The following CCDC186 variants were observed in gnomAD, a reference collection of about 807,000 sequenced individuals.
The protein encoded by CCDC186 is coiled-coil domain-containing protein 186.
In CCDC186, 49 loss-of-function variants were observed where a neutral mutation model predicts 113.7. The ratio of observed to expected loss-of-function variants is 0.43; its 90% CI spans 0.34 to 0.55. The LOEUF is 0.55. Ranked by LOEUF, CCDC186 falls within the 20% of genes least tolerant of loss-of-function variation. The probability of loss-of-function intolerance (pLI) is 0.02; values close to 1 mark genes in which losing one functional copy is unlikely to be tolerated. For synonymous variants in CCDC186, 355 were observed against 345.8 expected, an observed-to-expected ratio of 1.03 and a Z score of -0.30; for missense variants, 890 against 1,011.1, an observed-to-expected ratio of 0.88 and a Z score of 1.62.
chr10:114,138,054 AAAAAAAAAAAAAAAAAAAAT>A (rs1490766863), intron 6 of CCDC186, among the ~76,000 whole-genome samples: 18 of 97,346 alleles, frequency 1.8e-4, no homozygotes, highest in African/African-American at 5.3e-4. Flanking sequence ...AAAAAAAAAA[AAAAAAAAAAAAAAAAAAAAT>A]AAAAAAAATA....
intron 6 of CCDC186, among the ~76,000 whole-genome samples, chr10:114,143,556 T>C (rs2031543729): frequency 6.6e-6 from 1 of 152,208 alleles, no homozygotes; most frequent in African/African-American, 2.4e-5. Context: ...CCCTCACACA[T>C]GTGCTGATTA....
chr10:114,136,307 G>T (rs2031259986), intron 7 of CCDC186, 61 bp from the exon 8 acceptor site: 4 of 1,161,724 alleles, frequency 3.4e-6, no homozygotes, highest in South Asian at 1.2e-5. Flanking sequence ...TTTGCCCTGA[G>T]AATACTCGTC....
At chr10:114,172,494 G>A (rs1589638305) in intron 1 of CCDC186, among the ~76,000 whole-genome samples, 1 of 152,144 alleles carries the variant, frequency 6.6e-6, no homozygotes, top group African/African-American at 2.4e-5. Flanking sequence ...AACCCTTTCC[G>A]TTAGCAATAA....
In CCDC186 at chr10:114,127,579, C is replaced by T; in HGVS notation, c.2275G>A (p.Ala759Thr). Reference protein sequence around the residue: ...AVDNFPQVDKAMLIERIVRLQ... With the variant: ...AVDNFPQVDKTMLIERIVRLQ... ...CTAACTATTCTCTCAATCAACATGG[C>T]CTTATCTACTTGTGGAAAGTTATCC... is the stretch of plus-strand genomic sequence containing the variant. The change falls in exon 14 of 16, where the codon GCC (alanine) becomes ACC (threonine). Residue 759 changes from alanine (A) to threonine (T), a missense_variant. By Grantham distance (58) the Ala-to-Thr change is moderately conservative (BLOSUM62 0). Transcript: ENST00000369287. The T allele has an allele frequency of 6.2e-7, 1 of 1,614,020 alleles. No individual in the cohort carries two copies. The highest frequency in any genetic ancestry group is 8.5e-7 in the Non-Finnish European group (1 of 1,179,996).
chr10:114,145,829 TGGTA>T, intron 4 of CCDC186, 68 bp from the exon 5 acceptor site: 1 of 1,403,812 alleles, frequency 7.1e-7, no homozygotes, highest in Non-Finnish European at 9.6e-7. Flanking sequence ...TTGAAATACA[TGGTA>T]TTTGTCTCTT....
chr10:114,155,074 G>A (rs902685422), intron 3 of CCDC186, among the ~76,000 whole-genome samples: 1 of 152,182 alleles, frequency 6.6e-6, no homozygotes, highest in African/African-American at 2.4e-5. Context: ...CTAGGGCAGG[G>A]TTGAGGGAGT....
intron 15 of CCDC186, among the ~76,000 whole-genome samples, chr10:114,125,496 AAACT>A (rs1327765088): frequency 1.6e-4 from 25 of 152,288 alleles, no homozygotes; most frequent in African/African-American, 5.8e-4. Flanking sequence ...AATTATTTTT[AAACT>A]AACTACTAAT....
At position 114,122,641 on chromosome 10, in the gene CCDC186, T is replaced by A. The variant is rs1165639698; in HGVS notation, c.*2502A>T. ...TCATTTTCCTTTTCCAGATACCCCA[T>A]TCTCCTCACCATATATTCAGAGGGC... On this transcript the variant is annotated 3_prime_UTR_variant, in exon 16 of 16. Coordinates refer to ENST00000369287, the MANE Select transcript of CCDC186 (RefSeq NM_018017.4). 6.6e-6 allele frequency: 1 copy of A among 152,134 alleles called. No homozygotes were observed. Among genetic ancestry groups the A allele is most frequent in the Non-Finnish European group, 1.5e-5 (1 of 68,016 alleles). 9.4% of individuals were successfully genotyped at this position (152,134 alleles called of 1,614,324 possible).
chr10:114,135,989 T>A lies in CCDC186; in HGVS notation c.1426-12A>T, dbSNP rs765174201. ...TTGGCATGATGCATCTTTAAAAAAGTTTAAAAGAAACAACAAATCATAATG... is the reference window on the plus strand; with the variant it reads ...TTGGCATGATGCATCTTTAAAAAAGATTAAAAGAAACAACAAATCATAATG... On this transcript the variant is annotated splice_polypyrimidine_tract_variant and intron_variant, in intron 8 of 15. Transcript: ENST00000369287. 6.2e-7 allele frequency: 1 copy of A among 1,603,002 alleles called. No individual in the cohort carries two copies. The highest frequency in any genetic ancestry group is 8.5e-7 in the Non-Finnish European group (1 of 1,171,032).
intron 10 of CCDC186, among the ~76,000 whole-genome samples, 154 bp from the exon 11 acceptor site, chr10:114,132,338 G>A (rs1281277132): frequency 6.6e-6 from 1 of 152,150 alleles, no homozygotes; most frequent in South Asian, 2.1e-4. Context: ...CAGGAAATAA[G>A]AGCTGGAAAG....
chr10:114,129,718 C>T (rs111345553), intron 13 of CCDC186, among the ~76,000 whole-genome samples, 173 bp downstream of exon 13: 54 of 151,970 alleles, frequency 3.6e-4, no homozygotes, highest in African/African-American at 1.2e-3. Flanking sequence ...TTAGTAGAGA[C>T]GGGGTTTCTC....
intron 1 of CCDC186, among the ~76,000 whole-genome samples, chr10:114,172,387 A>T (rs1268119449): frequency 6.6e-6 from 1 of 152,244 alleles, no homozygotes; most frequent in Non-Finnish European, 1.5e-5. Flanking sequence ...CTAAGCAATC[A>T]TTAGCTATGC....
chr10:114,128,762 C>T (rs565644897), intron 13 of CCDC186, among the ~76,000 whole-genome samples: 5 of 152,268 alleles, frequency 3.3e-5, no homozygotes, highest in African/African-American at 1.2e-4. Flanking sequence ...ATTTTATAGA[C>T]TCTACCCATT....
chr10:114,144,152 G>A (rs1007844708), intron 6 of CCDC186, among the ~76,000 whole-genome samples: 1 of 151,674 alleles, frequency 6.6e-6, no homozygotes, highest in African/African-American at 2.4e-5. Context: ...ATTCTCCCCC[G>A]TCCAATTTCT....
intron 2 of CCDC186, among the ~76,000 whole-genome samples, chr10:114,160,095 C>A (rs1352356176): frequency 6.6e-6 from 1 of 152,074 alleles, no homozygotes; most frequent in East Asian, 1.9e-4. Flanking sequence ...CATGGCAAAA[C>A]CCTGTCTCTA....
At chr10:114,127,125 A>T (rs926998467) in intron 14 of CCDC186, among the ~76,000 whole-genome samples, 4 of 152,226 alleles carry the variant, frequency 2.6e-5, no homozygotes, top group African/African-American at 9.6e-5. Flanking sequence ...CAGGAAAAAA[A>T]ATCCACAACC....
chr10:114,162,897 T>C lies in CCDC186; in HGVS notation c.372A>G (p.Ser124=). The C allele has an allele frequency of 6.2e-7, 1 of 1,613,964 alleles. No homozygotes were observed. The highest frequency in any genetic ancestry group is 8.5e-7 in the Non-Finnish European group (1 of 1,179,890). ...CATTAGCTGATTCTGGAAATGTAGA[T>C]GACCTTAATTCCACCAATATTTGTG... is the stretch of plus-strand genomic sequence containing the variant. ...KVTQILVELR[S]STFPESANEK... Residue 124 remains serine (S), a synonymous_variant, in exon 2 of 16, where the codon TCA becomes TCG. Coordinates refer to ENST00000369287, the MANE Select transcript of CCDC186 (RefSeq NM_018017.4).
rs1391928800 is a variant in CCDC186, at chr10:114,123,145, T to G, written c.*1998A>C. On this transcript the variant is annotated 3_prime_UTR_variant, in exon 16 of 16. Coordinates refer to ENST00000369287, the MANE Select transcript of CCDC186 (RefSeq NM_018017.4). ...GTTATGTTGCCTACTCAAAGTAGTC[T>G]TTAGGAGTGTTAAGTAGTGTGTCTA... The G allele has an allele frequency of 6.6e-6, 1 of 152,592 alleles. No individual in the cohort carries two copies. Among genetic ancestry groups the G allele is most frequent in the East Asian group, 1.9e-4 (1 of 5,202 alleles). The allele number at this position is 152,592 out of a possible 1,614,324, so 9.5% of individuals were successfully genotyped here. A position where few individuals can be genotyped will look rare whatever the true frequency, so the allele number is the denominator to read the frequency against.
At chr10:114,149,369 A>G (rs571842143) in intron 4 of CCDC186, among the ~76,000 whole-genome samples, 12 of 152,258 alleles carry the variant, frequency 7.9e-5, no homozygotes, top group African/African-American at 2.9e-4. Context: ...TGCAACAAAT[A>G]TTTTTGGAAG....
Sources: allele counts gnomAD v4.1 joint callset (sites outside exome capture counted in the v4.1 genomes callset), GRCh38; gene constraint gnomAD v4.1.1; transcripts MANE v1.5; gene names NCBI Gene and HGNC (gene_info 2026-07-23, HGNC 2026-07-21).